ACVR1: variants seen among roughly 807,000 people sequenced by gnomAD.
ACVR1 encodes activin A receptor type 1, also known as activin receptor type-1.
In ACVR1, 38 loss-of-function variants were observed where a neutral mutation model predicts 57.1. That is an observed-to-expected ratio of 0.67 (90% confidence interval 0.51 to 0.87). The LOEUF (loss-of-function observed/expected upper bound fraction) is 0.87, where lower values mean the gene tolerates loss of function less well. Among genes scored for constraint, ACVR1 ranks in the 40% least tolerant of loss-of-function variants. The pLI is 0.00. For missense variants in ACVR1, 463 were observed against 638.2 expected (o/e 0.73, Z 2.96); for synonymous variants, 212 against 228.1 (o/e 0.93, Z 0.63).
chr2:157,847,866 G>C (rs1276225906), intron 1 of ACVR1, among the ~76,000 whole-genome samples: 2 of 152,168 alleles, frequency 1.3e-5, no homozygotes, highest in Admixed American at 6.5e-5. Context: ...AGCTGACAGA[G>C]AGACTCAGAA....
intron 2 of ACVR1, among the ~76,000 whole-genome samples, chr2:157,810,065 G>A (rs1687699224): frequency 6.6e-6 from 1 of 152,130 alleles, no homozygotes; most frequent in South Asian, 2.1e-4. Flanking sequence ...GACACAGTGA[G>A]ACCCTATCTC....
At chr2:157,785,759 TG>T (rs1686690785) in intron 3 of ACVR1, among the ~76,000 whole-genome samples, 1 of 152,186 alleles carries the variant, frequency 6.6e-6, no homozygotes, top group African/African-American at 2.4e-5. Context: ...CAAAGAAGAT[TG>T]CATATAAATT....
At chr2:157,806,810 C>T (rs1051030500) in intron 2 of ACVR1, 8 of 152,200 alleles carry the variant, frequency 5.3e-5, no homozygotes, top group East Asian at 1.9e-4. Flanking sequence ...CACACTCTGT[C>T]GGAACTGGCA....
intron 1 of ACVR1, among the ~76,000 whole-genome samples, chr2:157,841,170 G>A (rs182542373): frequency 1.2e-4 from 19 of 152,210 alleles, no homozygotes; most frequent in Admixed American, 1.2e-3. Context: ...AAAAAGTGGG[G>A]ATATTAAAGT....
chr2:157,754,732 A>G (rs1685352506), intron 9 of ACVR1, among the ~76,000 whole-genome samples: 1 of 152,202 alleles, frequency 6.6e-6, no homozygotes. Flanking sequence ...AGATAGAGAA[A>G]GAGGGAATCT....
At chr2:157,774,869 T>C (rs1400122537) in intron 5 of ACVR1, among the ~76,000 whole-genome samples, 1 of 150,086 alleles carries the variant, frequency 6.7e-6, no homozygotes, top group East Asian at 2.0e-4. Context: ...GTAGAGAGAA[T>C]AGCAGGTGGA....
chr2:157,825,435 G>A (rs79472699), intron 1 of ACVR1, among the ~76,000 whole-genome samples: 6,735 of 152,180 alleles, frequency 0.044, 325 homozygotes, highest in African/African-American at 0.12. Context: ...GGCTGTGGAC[G>A]GGTACTGGTC....
At chr2:157,849,381 TA>T (rs1475783560) in intron 1 of ACVR1, among the ~76,000 whole-genome samples, 1 of 152,256 alleles carries the variant, frequency 6.6e-6, no homozygotes, top group Non-Finnish European at 1.5e-5. Context: ...AATTATAAAT[TA>T]TTTTTTAAAT....
chr2:157,863,927 T>C (rs1689824438), intron 1 of ACVR1, among the ~76,000 whole-genome samples: 1 of 147,458 alleles, frequency 6.8e-6, no homozygotes, highest in Non-Finnish European at 1.5e-5. Context: ...GAGTGCCATC[T>C]CGGCTCACTG....
At chr2:157,791,280 A>G (rs1451037500) in intron 3 of ACVR1, among the ~76,000 whole-genome samples, 1 of 152,224 alleles carries the variant, frequency 6.6e-6, no homozygotes, top group Non-Finnish European at 1.5e-5. Flanking sequence ...TGACTAAAAG[A>G]ACATAAGTTT....
chr2:157,737,611 C>A lies in ACVR1; in HGVS notation c.1450G>T (p.Ala484Ser). 6.2e-7 allele frequency: 1 copy of A among 1,614,034 alleles called. No individual in the cohort carries two copies. The highest frequency in any genetic ancestry group is 8.5e-7 in the Non-Finnish European group (1 of 1,179,948). The change falls in exon 11 of 11, where the codon GCA becomes TCA. Residue 484 changes from alanine to serine, a missense_variant. Ala to Ser is a moderately conservative substitution (Grantham distance 99, BLOSUM62 1). Coordinates refer to ENST00000434821, the MANE Select transcript of ACVR1 (RefSeq NM_001111067.4). ...MKECWYQNPS[A>S]RLTALRIKKT... The stretch of plus-strand genomic sequence containing the variant: ...TTGATACGCAGTGCTGTGAGTCTTG[C>A]GGATGGATTTTGATACCAGCATTCT...
intron 1 of ACVR1, among the ~76,000 whole-genome samples, chr2:157,873,344 G>A (rs1158022793): frequency 1.3e-5 from 2 of 152,218 alleles, no homozygotes; most frequent in Non-Finnish European, 2.9e-5. Context: ...GAAATGTCAT[G>A]AAAAAGTACC....
At chr2:157,781,782 T>G (rs1174801483) in intron 3 of ACVR1, among the ~76,000 whole-genome samples, 3 of 152,242 alleles carry the variant, frequency 2.0e-5, no homozygotes, top group African/African-American at 7.2e-5. Context: ...TCAGTATGAT[T>G]AGTTTAGACT....
intron 1 of ACVR1, among the ~76,000 whole-genome samples, chr2:157,828,762 T>G (rs1339058688): frequency 1.3e-5 from 2 of 151,914 alleles, no homozygotes; most frequent in South Asian, 4.1e-4. Flanking sequence ...TTTTTTGTTT[T>G]TTTGTTTGTT....
At chr2:157,772,036 T>C (rs1453875452) in intron 6 of ACVR1, among the ~76,000 whole-genome samples, 2 of 152,210 alleles carry the variant, frequency 1.3e-5, no homozygotes, top group Non-Finnish European at 2.9e-5. Flanking sequence ...GAGAGCAAAA[T>C]ATCCCAGGGA....
At chr2:157,837,635 T>A (rs1283250006) in intron 1 of ACVR1, among the ~76,000 whole-genome samples, 2 of 152,200 alleles carry the variant, frequency 1.3e-5, no homozygotes, top group African/African-American at 4.8e-5. Context: ...AAAATAACAA[T>A]TTCTATTGTC....
At chr2:157,792,858 T>G (rs892237566) in intron 3 of ACVR1, among the ~76,000 whole-genome samples, 2 of 152,182 alleles carry the variant, frequency 1.3e-5, no homozygotes, top group Non-Finnish European at 2.9e-5. Context: ...TGAGTCACAG[T>G]CAAAAGTTTG....
At chr2:157,815,863 T>C (rs1009142415) in intron 2 of ACVR1, among the ~76,000 whole-genome samples, 7 of 152,182 alleles carry the variant, frequency 4.6e-5, no homozygotes, top group Admixed American at 2.0e-4. Flanking sequence ...ACATACATCC[T>C]TAGTGACCAA....
At position 157,855,394 on chromosome 2, in the gene ACVR1, G is replaced by A. The variant is rs565362008; in HGVS notation, c.-183+20402C>T. On this transcript the variant is annotated intron_variant, in intron 1 of 10. Coordinates refer to ENST00000434821, the MANE Select transcript of ACVR1 (RefSeq NM_001111067.4). ...TTTCATCTGTGGTCCCAGCTATTCAGGAGGCTGACATGGGAGGATCACTTT... is the reference window on the plus strand; with the variant it reads ...TTTCATCTGTGGTCCCAGCTATTCAAGAGGCTGACATGGGAGGATCACTTT... 8.1e-5 allele frequency among the ~76,000 whole-genome samples: 12 copies of A among 148,590 alleles called. No homozygotes were observed. The East Asian group carries it at 2.2e-3, about 28-fold the overall frequency.
Sources: gnomAD v4.1 joint callset for allele counts (sites outside exome capture counted in the v4.1 genomes callset) on GRCh38, gnomAD v4.1.1 for gene constraint, MANE v1.5 for transcripts, NCBI Gene and HGNC (gene_info 2026-07-23, HGNC 2026-07-21) for gene names.